Variants in ARPIN observed in about 807,000 individuals in gnomAD.
ARPIN encodes the protein UPF0552 protein C15orf38.
A neutral mutation model predicts 25.9 loss-of-function variants in ARPIN; 23 were observed. That is an observed-to-expected ratio of 0.89 (90% CI 0.64 to 1.26). The LOEUF is 1.26. Among genes scored for constraint, ARPIN ranks in the 50% most tolerant of loss-of-function variants. ARPIN has a pLI of 0.00. For synonymous variants in ARPIN, 126 were observed against 131.4 expected, an observed-to-expected ratio of 0.96 and a Z score of 0.28; for missense variants, 333 against 312.2, an observed-to-expected ratio of 1.07 and a Z score of -0.50.
chr15:89,909,723 C>A (rs1897190052), intron 2 of ARPIN, among the ~76,000 whole-genome samples: 1 of 152,146 alleles, frequency 6.6e-6, no homozygotes, highest in South Asian at 2.1e-4. Context: ...TTTATCAGGA[C>A]AGGCTGAGGG....
chr15:89,898,692 A>C lies in ARPIN; in HGVS notation c.*3103T>G, dbSNP rs1896968794. On this transcript the variant is annotated 3_prime_UTR_variant, in exon 6 of 6. Transcript: ENST00000357484. ...TCTTAAGGAGGAAGCGAGCCGAGAA[A>C]GGAGGGTTGTGACATTGTGATGAGC... 6.7e-6 allele frequency: 1 copy of C among 150,324 alleles called. No individual in the cohort carries two copies. The highest frequency in any genetic ancestry group is 1.5e-5 in the Non-Finnish European group (1 of 67,764). The allele number at this position is 150,324 out of a possible 1,614,324, so 9.3% of individuals were successfully genotyped here.
chr15:89,910,130 G>A (rs1447097739), intron 2 of ARPIN, among the ~76,000 whole-genome samples: 1 of 152,194 alleles, frequency 6.6e-6, no homozygotes, highest in Non-Finnish European at 1.5e-5. Context: ...TGGGGTACAG[G>A]AGGGACATGC....
At chr15:89,903,157 AACCAGTATGT>A in intron 5 of ARPIN, 49 bp downstream of exon 5, 1 of 1,614,070 alleles carries the variant, frequency 6.2e-7, no homozygotes, top group Non-Finnish European at 8.5e-7. Flanking sequence ...CCACAACCTC[AACCAGTATGT>A]ACCATGCTCC....
Position 89,895,299 on chromosome 15 carries a change from T to C in ARPIN, c.*6496A>G, listed in dbSNP as rs745499581. On this transcript the variant is annotated 3_prime_UTR_variant, in exon 6 of 6. Coordinates refer to ENST00000357484, the MANE Select transcript of ARPIN (RefSeq NM_182616.4). Reference sequence around the variant, plus strand: ...TCATGACACCTGTTAAGCTAAAAGATTACACAAAGTATGTACAGGGACAAC... The same window carrying C: ...TCATGACACCTGTTAAGCTAAAAGACTACACAAAGTATGTACAGGGACAAC... 1 of 152,154 alleles carries C rather than the reference T, an allele frequency of 6.6e-6. No homozygotes were observed. Among genetic ancestry groups the C allele is most frequent in the Non-Finnish European group, 1.5e-5 (1 of 68,016 alleles). The allele number at this position is 152,154 out of a possible 1,614,324, so 9.4% of individuals were successfully genotyped here. A position where few individuals can be genotyped will look rare whatever the true frequency, so the allele number is the denominator to read the frequency against.
rs746867744 is a variant in ARPIN, at chr15:89,903,288, C to A, written c.600G>T (p.Met200Ile). The A allele has an allele frequency of 6.2e-7, 1 of 1,614,232 alleles. No homozygotes were observed. The highest frequency in any genetic ancestry group is 1.1e-5 in the South Asian group (1 of 91,090). The stretch of plus-strand genomic sequence containing the variant: ...CAGCCCCCTTCGAACACTTTTGGGC[C>A]ATGATGTTGTCTGTCCAGGATGCCC... ...KTGASWTDNI[M>I]AQKCSKGAAA... Residue 200 changes from methionine (M) to isoleucine (I), a missense_variant, in exon 5 of 6, where the codon ATG (methionine) becomes ATT (isoleucine). Met to Ile is a conservative substitution (Grantham distance 10). Transcript: ENST00000357484.
intron 2 of ARPIN, 143 bp downstream of exon 2, chr15:89,910,601 C>T: frequency 1.0e-6 from 1 of 959,168 alleles, no homozygotes. Flanking sequence ...CTATAAATCT[C>T]CTGACCTACT....
chr15:89,908,438 G>A lies in ARPIN; in HGVS notation c.169-26C>T, dbSNP rs565631289. 8 of 1,612,614 alleles carry A rather than the reference G, an allele frequency of 5.0e-6. No homozygotes were observed. In the South Asian group the frequency reaches 7.7e-5, roughly 15 times the overall value. On this transcript the variant is annotated intron_variant, in intron 2 of 5. Transcript: ENST00000357484. The stretch of plus-strand genomic sequence containing the variant: ...CTGGGGCCAGGCAGACAGAGAGTGA[G>A]GGGGCGGCTTCATCCCACAACACAC...
chr15:89,906,270 T>C (rs1198616158), intron 3 of ARPIN, among the ~76,000 whole-genome samples: 2 of 152,118 alleles, frequency 1.3e-5, no homozygotes, highest in African/African-American at 4.8e-5. Context: ...AAAACCTCAC[T>C]ACAGGGCTGC....
intron 1 of ARPIN, 85 bp downstream of exon 1, chr15:89,912,659 C>CGCCGGGGGGGGGG: frequency 8.6e-7 from 1 of 1,161,518 alleles, no homozygotes. Flanking sequence ...TTCCCCCACC[C>CGCCGGGGGGGGGG]GCATCCCACC....
chr15:89,904,168 G>A (rs754065806), intron 3 of ARPIN, among the ~76,000 whole-genome samples, 185 bp from the exon 4 acceptor site: 12 of 152,124 alleles, frequency 7.9e-5, no homozygotes, highest in Non-Finnish European at 1.6e-4. Context: ...CATGAGCTGG[G>A]GACAGGCAGC....
Position 89,908,322 on chromosome 15 carries a change from C to T in ARPIN, c.259G>A (p.Ala87Thr), listed in dbSNP as rs755299674. ...KGNEIEPNFS[A>T]TRKVNTGFLM... is the part of the protein sequence containing the mutation. ...AAGCCCGTGTTCACCTTCCTGGTGG[C>T]GCTGAAGTTGGGCTCGATTTCATTT... Residue 87 changes from alanine to threonine, a missense_variant, in exon 3 of 6, where the codon GCC becomes ACC. Physicochemically the swap from Ala to Thr is moderately conservative, Grantham distance 58. Coordinates refer to ENST00000357484, the MANE Select transcript of ARPIN (RefSeq NM_182616.4). 8.1e-6 allele frequency: 13 copies of T among 1,614,136 alleles called. No homozygotes were observed. Among genetic ancestry groups the T allele is most frequent in the South Asian group, 5.5e-5 (5 of 91,080 alleles).
In ARPIN at chr15:89,912,858, C is replaced by CG. The variant is rs1897251997; in HGVS notation, c.-24dup. The CG allele has an allele frequency of 1.3e-6, 2 of 1,513,080 alleles. No individual in the cohort carries two copies. The highest frequency in any genetic ancestry group is 5.5e-5 in the East Asian group (2 of 36,616). The allele number at this position is 1,513,080 out of a possible 1,614,324, so 93.7% of individuals were successfully genotyped here. A position where few individuals can be genotyped will look rare whatever the true frequency, so the allele number is the denominator to read the frequency against. On this transcript the variant is annotated 5_prime_UTR_variant, in exon 1 of 6. Transcript: ENST00000357484. The stretch of plus-strand genomic sequence containing the variant: ...CATTCTCCCGACCGCCCGGGCACCC[C>CG]GGCACAGAGCCGGCGCACTGGGCTG...
At position 89,899,995 on chromosome 15, in the gene ARPIN, G is replaced by A. The variant is rs1009910767; in HGVS notation, c.*1800C>T. 2.0e-5 allele frequency: 3 copies of A among 152,234 alleles called. No individual in the cohort carries two copies. Among genetic ancestry groups the A allele is most frequent in the African/African-American group, 7.2e-5 (3 of 41,420 alleles). 9.4% of individuals were successfully genotyped at this position (152,234 alleles called of 1,614,324 possible). On this transcript the variant is annotated 3_prime_UTR_variant, in exon 6 of 6. Transcript: ENST00000357484. ...TCCTATTGACACACTGGGCCTCCTT[G>A]TTTGGAATGGTGACCTGTCCATATA...
At chr15:89,912,399 A>G (rs1481099030) in intron 1 of ARPIN, 4 of 1,095,290 alleles carry the variant, frequency 3.7e-6, no homozygotes, top group Non-Finnish European at 4.5e-6. Context: ...GTGCAAAAGC[A>G]GCGCGGCAAG....
In ARPIN at chr15:89,898,390, C is replaced by A. The variant is rs1341968284; in HGVS notation, c.*3405G>T. On this transcript the variant is annotated 3_prime_UTR_variant, in exon 6 of 6. Coordinates refer to ENST00000357484, the MANE Select transcript of ARPIN (RefSeq NM_182616.4). ...TGGGACCAACACAGCCCTTCCCAAACTGTTTCTCACAACAGCTGTCCCATG... is the reference window on the plus strand; with the variant it reads ...TGGGACCAACACAGCCCTTCCCAAAATGTTTCTCACAACAGCTGTCCCATG... 1.3e-5 allele frequency: 2 copies of A among 152,212 alleles called. No homozygotes were observed. Among genetic ancestry groups the A allele is most frequent in the Admixed American group, 1.3e-4 (2 of 15,282 alleles). 9.4% of individuals were successfully genotyped at this position (152,212 alleles called of 1,614,324 possible).
At chr15:89,905,681 G>A (rs931785276) in intron 3 of ARPIN, among the ~76,000 whole-genome samples, 2 of 152,074 alleles carry the variant, frequency 1.3e-5, no homozygotes, top group Admixed American at 1.3e-4. Context: ...GGGCTTTAGA[G>A]ACATGACACC....
chr15:89,909,554 G>A (rs930010732), intron 2 of ARPIN, among the ~76,000 whole-genome samples: 7 of 152,220 alleles, frequency 4.6e-5, no homozygotes, highest in African/African-American at 9.6e-5. Context: ...GTTGGCATTC[G>A]GAGTTTGGAT....
Position 89,901,438 on chromosome 15 carries a change from G to A in ARPIN, c.*357C>T. 3.5e-6 allele frequency: 1 copy of A among 287,476 alleles called. No individual in the cohort carries two copies. The highest frequency in any genetic ancestry group is 5.0e-5 in the Admixed American group (1 of 20,020). 17.8% of individuals were successfully genotyped at this position (287,476 alleles called of 1,614,324 possible). ...TCACGCCTGTAATCCCAACACCTTG[G>A]GAGGTGGAGGGGGGTGGATCGCTTG... On this transcript the variant is annotated 3_prime_UTR_variant, in exon 6 of 6. Coordinates refer to ENST00000357484, the MANE Select transcript of ARPIN (RefSeq NM_182616.4).
intron 3 of ARPIN, among the ~76,000 whole-genome samples, chr15:89,906,561 G>A (rs1029146833): frequency 2.6e-5 from 4 of 152,078 alleles, no homozygotes; most frequent in African/African-American, 9.7e-5. Context: ...CTCCTCTACT[G>A]GACTAAGAAC....
Sources: allele counts gnomAD v4.1 joint callset (sites outside exome capture counted in the v4.1 genomes callset), GRCh38; gene constraint gnomAD v4.1.1; transcripts MANE v1.5; gene names NCBI Gene and HGNC (gene_info 2026-07-23, HGNC 2026-07-21).